The following METTL8 variants were observed in gnomAD, a reference collection of about 807,000 sequenced individuals.
The protein encoded by METTL8 is methyltransferase 8, tRNA N3-cytidine, also known as tRNA N(3)-cytidine methyltransferase METTL8, mitochondrial.
In METTL8, 32 loss-of-function variants were observed where a neutral mutation model predicts 48.7. The ratio of observed to expected loss-of-function variants is 0.66; its 90% CI spans 0.50 to 0.88. The LOEUF (loss-of-function observed/expected upper bound fraction) is 0.88. METTL8 is among the 40% of genes least tolerant of loss of function. The probability of loss-of-function intolerance (pLI) is 0.00; values close to 1 mark genes in which losing one functional copy is unlikely to be tolerated. For missense variants in METTL8, 464 were observed against 474.4 expected, an observed-to-expected ratio of 0.98 and a Z score of 0.20; for synonymous variants, 136 against 157.1, an observed-to-expected ratio of 0.87 and a Z score of 1.01.
intron 3 of METTL8, among the ~76,000 whole-genome samples, chr2:171,353,670 G>T (rs984507304): frequency 2.0e-5 from 3 of 152,188 alleles, no homozygotes; most frequent in African/African-American, 7.2e-5. Flanking sequence ...TATATATTCA[G>T]GATAGTTAGC....
chr2:171,350,273 C>A (rs919144531), intron 3 of METTL8, among the ~76,000 whole-genome samples: 3 of 152,188 alleles, frequency 2.0e-5, no homozygotes, highest in African/African-American at 7.2e-5. Flanking sequence ...TCATCCACGT[C>A]CCTACAAAGG....
Position 171,320,677 on chromosome 2 carries a change from A to G in METTL8, c.*3495T>C, listed in dbSNP as rs1233339977. On this transcript the variant is annotated 3_prime_UTR_variant, in exon 10 of 10. Transcript: ENST00000375258. ...ATGTACACTTTAATTATGAAATACA[A>G]CTGAGTTAAGAGTCTTGGGCAAATT... The G allele has an allele frequency of 6.6e-6, 1 of 152,216 alleles. No individual in the cohort carries two copies. Among genetic ancestry groups the G allele is most frequent in the African/African-American group, 2.4e-5 (1 of 41,448 alleles). 9.4% of individuals were successfully genotyped at this position (152,216 alleles called of 1,614,324 possible). A position where few individuals can be genotyped will look rare whatever the true frequency, so the allele number is the denominator to read the frequency against.
chr2:171,374,935 A>C, intron 2 of METTL8: 3 of 1,251,930 alleles, frequency 2.4e-6, no homozygotes, highest in Non-Finnish European at 3.5e-6. Flanking sequence ...AGCTCCTTAC[A>C]TGGGCTTTGG....
chr2:171,394,416 C>T (rs1020731951), intron 1 of METTL8, among the ~76,000 whole-genome samples: 1 of 151,848 alleles, frequency 6.6e-6, no homozygotes, highest in Non-Finnish European at 1.5e-5. Context: ...GTAAGAGTTT[C>T]TCTCACTATA....
chr2:171,371,916 C>A (rs1018754869), intron 2 of METTL8, among the ~76,000 whole-genome samples: 7 of 151,386 alleles, frequency 4.6e-5, no homozygotes, highest in Non-Finnish European at 8.8e-5. Flanking sequence ...AAATCCAACT[C>A]CTGCATCAAG....
intron 1 of METTL8, among the ~76,000 whole-genome samples, chr2:171,404,122 G>T: frequency 8.7e-6 from 1 of 115,498 alleles, no homozygotes; most frequent in Admixed American, 9.9e-5. Flanking sequence ...TTACAAATTA[G>T]GCTTAAGAGA....
At chr2:171,397,042 G>C (rs1689136518) in intron 1 of METTL8, among the ~76,000 whole-genome samples, 1 of 148,724 alleles carries the variant, frequency 6.7e-6, no homozygotes. Flanking sequence ...GGCTAGTCTT[G>C]AACTCCTAGG....
intron 1 of METTL8, among the ~76,000 whole-genome samples, chr2:171,397,371 A>C (rs1466540070): frequency 6.8e-6 from 1 of 146,790 alleles, no homozygotes; most frequent in African/African-American, 2.5e-5. Flanking sequence ...AAAAAAAAAA[A>C]AAAAAAAACA....
intron 5 of METTL8, among the ~76,000 whole-genome samples, chr2:171,333,668 T>C (rs886595835): frequency 2.2e-4 from 33 of 152,222 alleles, no homozygotes; most frequent in Non-Finnish European, 3.1e-4. Context: ...CATATAATTG[T>C]GACTTGTAAT....
chr2:171,335,431 A>C (rs1685984136), intron 5 of METTL8, among the ~76,000 whole-genome samples: 1 of 152,068 alleles, frequency 6.6e-6, no homozygotes, highest in Admixed American at 6.6e-5. Context: ...TAATTAAAAA[A>C]ATTTTTTTTG....
chr2:171,363,325 C>CT (rs1443220676), intron 2 of METTL8, among the ~76,000 whole-genome samples: 2 of 151,736 alleles, frequency 1.3e-5, no homozygotes, highest in African/African-American at 4.8e-5. Flanking sequence ...TATGGCAGTT[C>CT]TTTATTTTAG....
At position 171,396,213 on chromosome 2, in the gene METTL8, G is replaced by A. The variant is rs180821902; in HGVS notation, c.-12-4016C>T. ...GGAGGCGGAGGTTGCAGTGAGCCGA[G>A]ATTGTGCCACTGCACTCCAGCCTGG... On this transcript the variant is annotated intron_variant, in intron 1 of 9. Transcript: ENST00000375258. Among the ~76,000 whole-genome samples the A allele has an allele frequency of 1.4e-3, 214 of 152,148 alleles. 4 individuals carry two copies. The East Asian group carries it at 0.015, about 11-fold the overall frequency.
rs551529234 is a variant in METTL8 at position 171,382,816 on chromosome 2, T to C, written c.143+9227A>G. Reference sequence around the variant, plus strand: ...GGCCAGACGCGGTGGCTCACGCCTGTAATCCCAGCACCTTGGGAGGCTGAG... The same window carrying C: ...GGCCAGACGCGGTGGCTCACGCCTGCAATCCCAGCACCTTGGGAGGCTGAG... On this transcript the variant is annotated intron_variant, in intron 2 of 9. Coordinates refer to ENST00000375258, the MANE Select transcript of METTL8 (RefSeq NM_001321154.2). Among the ~76,000 whole-genome samples, 17 of 152,192 alleles carry C rather than the reference T, an allele frequency of 1.1e-4. No individual in the cohort carries two copies. The East Asian group carries it at 2.3e-3, about 21-fold the overall frequency.
At chr2:171,429,988 C>T (rs549371985) in intron 1 of METTL8, among the ~76,000 whole-genome samples, 3 of 150,964 alleles carry the variant, frequency 2.0e-5, no homozygotes, top group Admixed American at 1.3e-4. Flanking sequence ...TGCAGTGAGC[C>T]GAGATCACAC....
At chr2:171,406,027 T>C (rs1166228621) in intron 1 of METTL8, among the ~76,000 whole-genome samples, 1 of 152,352 alleles carries the variant, frequency 6.6e-6, no homozygotes, top group Non-Finnish European at 1.5e-5. Context: ...TGGTTATTTA[T>C]TGGTTGTCTC....
At chr2:171,346,444 G>C (rs2105436695) in intron 3 of METTL8, among the ~76,000 whole-genome samples, 1 of 152,314 alleles carries the variant, frequency 6.6e-6, no homozygotes, top group Non-Finnish European at 1.5e-5. Context: ...CCTGACTTCA[G>C]TTCTCACCAA....
chr2:171,360,566 A>G (rs1311762824), intron 2 of METTL8, 53 bp from the exon 3 acceptor site: 2 of 1,496,186 alleles, frequency 1.3e-6, no homozygotes, highest in East Asian at 4.5e-5. Flanking sequence ...AGAAGGCAGA[A>G]AAAAGGTGAC....
At chr2:171,391,920 G>T in intron 2 of METTL8, 123 bp downstream of exon 2, 1 of 926,838 alleles carries the variant, frequency 1.1e-6, no homozygotes, top group Non-Finnish European at 1.6e-6. Context: ...CCTAGCTTTT[G>T]GACCTCTACA....
rs990266468 is a variant in METTL8, at chr2:171,319,652, G to T, written c.*4520C>A. 1.3e-5 allele frequency: 2 copies of T among 152,226 alleles called. No individual in the cohort carries two copies. Among genetic ancestry groups the T allele is most frequent in the African/African-American group, 4.8e-5 (2 of 41,458 alleles). The allele number at this position is 152,226 out of a possible 1,614,324, so 9.4% of individuals were successfully genotyped here. On this transcript the variant is annotated 3_prime_UTR_variant, in exon 10 of 10. Coordinates refer to ENST00000375258, the MANE Select transcript of METTL8 (RefSeq NM_001321154.2). ...GAATCGAGAGAGGCAAAGCAAATAA[G>T]TTCTCAGAAGTCAATGTTAAATGGG...
Sources: gnomAD v4.1 joint callset for allele counts (sites outside exome capture counted in the v4.1 genomes callset) on GRCh38, gnomAD v4.1.1 for gene constraint, MANE v1.5 for transcripts, NCBI Gene and HGNC (gene_info 2026-07-23, HGNC 2026-07-21) for gene names.